Variants in RUFY1 observed in about 807,000 individuals in gnomAD.
RUFY1 encodes RUN and FYVE domain-containing protein 1.
In RUFY1, 54 loss-of-function variants were observed where a neutral mutation model predicts 94.6. The ratio of observed to expected loss-of-function variants is 0.57; its 90% CI spans 0.46 to 0.72. The LOEUF is 0.72. Among genes scored for constraint, RUFY1 ranks in the 30% least tolerant of loss-of-function variants. The pLI, the probability that RUFY1 is intolerant of heterozygous loss-of-function variation, is 0.00. For missense variants in RUFY1, 883 were observed against 883.9 expected, an observed-to-expected ratio of 1.00 and a Z score of 0.01; for synonymous variants, 396 against 347.3, an observed-to-expected ratio of 1.14 and a Z score of -1.56.
chr5:179,593,100 T>G (rs534068429), intron 10 of RUFY1, among the ~76,000 whole-genome samples: 1 of 152,196 alleles, frequency 6.6e-6, no homozygotes, highest in Non-Finnish European at 1.5e-5. Context: ...TTTTTTTCTT[T>G]AAGACAGTCT....
At chr5:179,597,404 T>TG (rs1483958647) in intron 13 of RUFY1, among the ~76,000 whole-genome samples, 1 of 152,012 alleles carries the variant, frequency 6.6e-6, no homozygotes, top group Non-Finnish European at 1.5e-5. Context: ...CCTGGCTAAT[T>TG]TTTTGTATTT....
At chr5:179,560,787 G>A (rs947218520) in intron 2 of RUFY1, among the ~76,000 whole-genome samples, 1 of 151,424 alleles carries the variant, frequency 6.6e-6, no homozygotes. Context: ...TTTCTGTGGG[G>A]ATAAAACTTT....
intron 5 of RUFY1, among the ~76,000 whole-genome samples, chr5:179,571,298 C>A (rs997864543): frequency 6.6e-6 from 1 of 152,200 alleles, no homozygotes; most frequent in East Asian, 1.9e-4. Context: ...GAATTTGAGA[C>A]CAGCCCGGGC....
At position 179,605,859 on chromosome 5, in the gene RUFY1, C is replaced by CT. The variant is rs751564755; in HGVS notation, c.1857-7dup. The CT allele has an allele frequency of 0.015, 19,939 of 1,291,304 alleles. No homozygotes were observed. Among genetic ancestry groups the CT allele is most frequent in the Non-Finnish European group, 0.018 (17,009 of 935,224 alleles). The allele number at this position is 1,291,304 out of a possible 1,614,324, so 80.0% of individuals were successfully genotyped here. On this transcript the variant is annotated splice_polypyrimidine_tract_variant and intron_variant, in intron 15 of 17. Coordinates refer to ENST00000319449, the MANE Select transcript of RUFY1 (RefSeq NM_025158.5). Reference sequence around the variant, plus strand: ...CTCTCTCTCACTGCTATGAAATGGCCTTTTTTTTTTCCTTAGGTCCAAGCT... The same window carrying CT: ...CTCTCTCTCACTGCTATGAAATGGCCTTTTTTTTTTTCCTTAGGTCCAAGCT...
chr5:179,572,516 G>T, intron 5 of RUFY1: 1 of 209,708 alleles, frequency 4.8e-6, no homozygotes, highest in South Asian at 6.9e-5. Context: ...AAACCAATGA[G>T]GGCATTGCCT....
chr5:179,598,233 C>T (rs928785325), intron 13 of RUFY1: 14 of 158,488 alleles, frequency 8.8e-5, no homozygotes, highest in Non-Finnish European at 1.5e-4. Flanking sequence ...TGAGGTGGCT[C>T]ATGCCTGTAA....
At chr5:179,559,234 C>T (rs1161968949) in intron 1 of RUFY1, among the ~76,000 whole-genome samples, 1 of 152,156 alleles carries the variant, frequency 6.6e-6, no homozygotes, top group Non-Finnish European at 1.5e-5. Context: ...TTGGCCAGCA[C>T]GTATAGATAT....
intron 5 of RUFY1, among the ~76,000 whole-genome samples, chr5:179,570,962 GTGTGTGTGTATA>G (rs562885849): frequency 2.4e-3 from 372 of 152,210 alleles, no homozygotes; most frequent in African/African-American, 8.4e-3. Context: ...GTGCATGCAT[GTGTGTGTGTATA>G]TGTTTGTGTA....
intron 5 of RUFY1, among the ~76,000 whole-genome samples, chr5:179,575,505 GAA>G (rs1763548932): frequency 6.6e-6 from 1 of 152,190 alleles, no homozygotes; most frequent in Admixed American, 6.5e-5. Flanking sequence ...TGCCTCAAGA[GAA>G]AGAGCTGGGT....
intron 5 of RUFY1, among the ~76,000 whole-genome samples, chr5:179,575,589 C>G (rs186794719): frequency 1.3e-5 from 2 of 152,098 alleles, no homozygotes; most frequent in Non-Finnish European, 2.9e-5. Flanking sequence ...TTTTACTCAT[C>G]GAGACAGGCA....
chr5:179,608,670 G>C lies in RUFY1; in HGVS notation c.1984-706G>C, dbSNP rs936803714. The C allele has an allele frequency of 3.1e-6, 3 of 980,860 alleles. No individual in the cohort carries two copies. The African/African-American group carries it at 5.2e-5, about 17-fold the overall frequency. 60.8% of individuals were successfully genotyped at this position (980,860 alleles called of 1,614,324 possible). Reference sequence around the variant, plus strand: ...AGGCCGGGCACGGTGGCTCATGACTGTAATCCTAGCACTTTGGGAGGCTGA... The same window carrying C: ...AGGCCGGGCACGGTGGCTCATGACTCTAATCCTAGCACTTTGGGAGGCTGA... On this transcript the variant is annotated intron_variant, in intron 17 of 17. Coordinates refer to ENST00000319449, the MANE Select transcript of RUFY1 (RefSeq NM_025158.5).
intron 16 of RUFY1, chr5:179,606,160 G>A (rs1767062974): frequency 1.7e-6 from 1 of 573,774 alleles, no homozygotes; most frequent in Admixed American, 3.1e-5. Flanking sequence ...ACCATCAGCT[G>A]TGCTTTCAAA....
chr5:179,562,526 C>T (rs1385293797), intron 2 of RUFY1, 21 bp from the exon 3 acceptor site: 1 of 1,460,646 alleles, frequency 6.8e-7, no homozygotes, highest in South Asian at 1.2e-5. Context: ...TTATGAATAA[C>T]ACTTTTGTTT....
chr5:179,554,416 A>C (rs1762011573), intron 1 of RUFY1, among the ~76,000 whole-genome samples: 1 of 151,846 alleles, frequency 6.6e-6, no homozygotes, highest in African/African-American at 2.4e-5. Context: ...TAGGCGTGTA[A>C]TCCCAGCTAT....
At chr5:179,586,513 G>A (rs1274586250) in intron 8 of RUFY1, 5 of 450,784 alleles carry the variant, frequency 1.1e-5, no homozygotes, top group South Asian at 6.2e-5. Flanking sequence ...CCACCTAGAA[G>A]GACAAGGGCT....
intron 12 of RUFY1, 35 bp downstream of exon 12, chr5:179,594,998 G>A (rs1163162661): frequency 7.1e-7 from 1 of 1,418,298 alleles, no homozygotes; most frequent in East Asian, 2.3e-5. Flanking sequence ...TTCTCGGGAA[G>A]GCTCTGAGCA....
chr5:179,577,159 C>G, intron 6 of RUFY1, 23 bp downstream of exon 6: 1 of 183,384 alleles, frequency 5.5e-6, no homozygotes, highest in Non-Finnish European at 9.6e-6. Flanking sequence ...TTGTATGTCA[C>G]TTTTTTTTTT....
chr5:179,564,138 AGATAGAGTTTC>A (rs1428202841), intron 3 of RUFY1, among the ~76,000 whole-genome samples: 1 of 78,276 alleles, frequency 1.3e-5, no homozygotes, highest in Non-Finnish European at 2.7e-5. Context: ...TTTTTTTTTG[AGATAGAGTTTC>A]GCTCTTGTTG....
chr5:179,560,581 C>T (rs1762375324), intron 2 of RUFY1, among the ~76,000 whole-genome samples: 1 of 150,950 alleles, frequency 6.6e-6, no homozygotes, highest in Non-Finnish European at 1.5e-5. Flanking sequence ...AAAAAATTAG[C>T]TGGGCGTGGT....
Sources: gnomAD v4.1 joint callset for allele counts (sites outside exome capture counted in the v4.1 genomes callset) on GRCh38, gnomAD v4.1.1 for gene constraint, MANE v1.5 for transcripts, NCBI Gene and HGNC (gene_info 2026-07-23, HGNC 2026-07-21) for gene names.